The following CTNNA3 variants were observed in gnomAD, a reference collection of about 807,000 sequenced individuals.
The protein encoded by CTNNA3 is catenin alpha 3.
CTNNA3 carries 76 observed loss-of-function variants against 95.7 expected under a neutral mutation model. The ratio of observed to expected loss-of-function variants is 0.79; its 90% CI spans 0.66 to 0.96. CTNNA3 has a LOEUF of 0.96. Among genes scored for constraint, CTNNA3 ranks in the 40% least tolerant of loss-of-function variants. The pLI, the probability that CTNNA3 is intolerant of heterozygous loss-of-function variation, is 0.00. For missense variants in CTNNA3, 1,191 were observed against 1,089.8 expected, an observed-to-expected ratio of 1.09 and a Z score of -1.31; for synonymous variants, 431 against 374.4, an observed-to-expected ratio of 1.15 and a Z score of -1.74.
chr10:66,207,055 T>G (rs2087805833), intron 13 of CTNNA3, among the ~76,000 whole-genome samples: 1 of 151,854 alleles, frequency 6.6e-6, no homozygotes, highest in African/African-American at 2.4e-5. Flanking sequence ...CTGGGTATGA[T>G]TCAGTGAGTG....
intron 5 of CTNNA3, among the ~76,000 whole-genome samples, chr10:67,260,904 C>T (rs528171463): frequency 4.3e-4 from 65 of 152,112 alleles, no homozygotes; most frequent in African/African-American, 1.4e-3. Context: ...AGGCTGGCCT[C>T]GAACTCCTGA....
intron 9 of CTNNA3, among the ~76,000 whole-genome samples, chr10:66,649,512 G>A: frequency 6.6e-6 from 1 of 152,142 alleles, no homozygotes; most frequent in African/African-American, 2.4e-5. Flanking sequence ...AACCCTTACG[G>A]GAAGGAAAGT....
chr10:66,104,360 C>T (rs1438018708), intron 13 of CTNNA3, among the ~76,000 whole-genome samples: 2 of 152,146 alleles, frequency 1.3e-5, no homozygotes, highest in Non-Finnish European at 2.9e-5. Flanking sequence ...ACATGTCTTC[C>T]TTGTCATTTT....
chr10:66,028,634 T>G (rs1281840159), intron 15 of CTNNA3, among the ~76,000 whole-genome samples: 1 of 152,014 alleles, frequency 6.6e-6, no homozygotes, highest in African/African-American at 2.4e-5. Context: ...TTAGGAGATA[T>G]ACCTAATGTA....
chr10:66,978,194 A>G (rs1407915265), intron 7 of CTNNA3, among the ~76,000 whole-genome samples: 1 of 152,022 alleles, frequency 6.6e-6, no homozygotes, highest in Non-Finnish European at 1.5e-5. Context: ...AATAAGTTCT[A>G]GAGATCTGCT....
chr10:67,171,697 A>T (rs1363436227), intron 7 of CTNNA3, among the ~76,000 whole-genome samples: 1 of 152,150 alleles, frequency 6.6e-6, no homozygotes, highest in East Asian at 1.9e-4. Context: ...AGCTGCAGTG[A>T]GCTGTGATCA....
intron 13 of CTNNA3, among the ~76,000 whole-genome samples, chr10:66,164,274 T>C (rs1310100937): frequency 6.6e-6 from 1 of 152,226 alleles, no homozygotes; most frequent in East Asian, 1.9e-4. Context: ...TCAAGATACC[T>C]ATTAATGAGA....
chr10:65,977,098 T>C (rs2078221382), intron 16 of CTNNA3, among the ~76,000 whole-genome samples: 1 of 152,218 alleles, frequency 6.6e-6, no homozygotes, highest in African/African-American at 2.4e-5. Context: ...TCTTGCCCTT[T>C]ACTGTTGTTT....
intron 7 of CTNNA3, among the ~76,000 whole-genome samples, chr10:66,922,041 T>C (rs1196664302): frequency 6.6e-6 from 1 of 152,242 alleles, no homozygotes; most frequent in African/African-American, 2.4e-5. Context: ...AATTTGGCAG[T>C]ATTGCCAAAC....
intron 17 of CTNNA3, among the ~76,000 whole-genome samples, chr10:65,933,934 C>A (rs1006376197): frequency 2.0e-5 from 3 of 152,076 alleles, no homozygotes; most frequent in Non-Finnish European, 2.9e-5. Context: ...GGCACAGATT[C>A]TTTTTTGCAT....
intron 3 of CTNNA3, among the ~76,000 whole-genome samples, chr10:67,576,408 T>C (rs567626806): frequency 6.6e-6 from 1 of 152,284 alleles, no homozygotes; most frequent in East Asian, 1.9e-4. Flanking sequence ...TATTGTATAG[T>C]TGTTAATAGT....
intron 13 of CTNNA3, among the ~76,000 whole-genome samples, chr10:66,249,817 C>T (rs2090477535): frequency 6.6e-6 from 1 of 152,102 alleles, no homozygotes; most frequent in Non-Finnish European, 1.5e-5. Context: ...GAGCGAGACT[C>T]CATCTCAAAA....
At chr10:66,935,992 C>T (rs540573138) in intron 7 of CTNNA3, among the ~76,000 whole-genome samples, 1 of 152,144 alleles carries the variant, frequency 6.6e-6, no homozygotes, top group Non-Finnish European at 1.5e-5. Flanking sequence ...GAACATCCCT[C>T]TGCTAGTTAA....
chr10:66,860,842 C>T (rs1843891854), intron 7 of CTNNA3, among the ~76,000 whole-genome samples: 2 of 152,154 alleles, frequency 1.3e-5, no homozygotes, highest in South Asian at 4.1e-4. Context: ...ATATATGCCT[C>T]AATGTAACCA....
chr10:66,093,246 T>C (rs1386054554), intron 14 of CTNNA3, among the ~76,000 whole-genome samples: 1 of 152,020 alleles, frequency 6.6e-6, no homozygotes, highest in Non-Finnish European at 1.5e-5. Context: ...TAAATTTAAA[T>C]TCAAGTAAAG....
intron 3 of CTNNA3, among the ~76,000 whole-genome samples, chr10:67,548,742 A>G (rs1840921820): frequency 6.6e-6 from 1 of 152,142 alleles, no homozygotes; most frequent in African/African-American, 2.4e-5. Context: ...AAGCAATAAA[A>G]AAAATTGATG....
intron 6 of CTNNA3, among the ~76,000 whole-genome samples, chr10:67,194,279 C>T (rs903458693): frequency 2.6e-5 from 4 of 151,968 alleles, no homozygotes; most frequent in Non-Finnish European, 5.9e-5. Flanking sequence ...TTTATAGCAG[C>T]TTTATTCATA....
chr10:66,670,478 C>G (rs4330985), intron 9 of CTNNA3, among the ~76,000 whole-genome samples: 69,846 of 151,816 alleles, frequency 0.46, 16,639 homozygotes, highest in East Asian at 0.78. Flanking sequence ...CTTGGCTCAG[C>G]GTCCCCTTCC....
intron 2 of CTNNA3, among the ~76,000 whole-genome samples, chr10:67,641,509 A>G (rs1171879599): frequency 6.6e-6 from 1 of 152,230 alleles, no homozygotes; most frequent in Non-Finnish European, 1.5e-5. Context: ...ATTACTGGGT[A>G]TATACCCAAA....
Sources: gnomAD v4.1 joint callset for allele counts (sites outside exome capture counted in the v4.1 genomes callset) on GRCh38, gnomAD v4.1.1 for gene constraint, MANE v1.5 for transcripts, NCBI Gene and HGNC (gene_info 2026-07-23, HGNC 2026-07-21) for gene names.